Variants in HUWE1 observed in about 807,000 individuals in gnomAD.
HUWE1 encodes HECT, UBA and WWE domain containing E3 ubiquitin protein ligase 1, also known as E3 ubiquitin-protein ligase HUWE1.
A neutral mutation model predicts 299.4 loss-of-function variants in HUWE1; 18 were observed. That is an observed-to-expected ratio of 0.06 (90% CI 0.04 to 0.09). HUWE1 has a LOEUF of 0.09. HUWE1 is among the 10% of genes least tolerant of loss of function. The pLI is 1.00. For synonymous variants in HUWE1, 1,317 were observed against 1,286.1 expected (o/e 1.02, Z -0.51); for missense variants, 1,832 against 3,462.3 (o/e 0.53, Z 11.82).
At chrX:53,652,887 T>C (rs2068557926) in intron 4 of HUWE1, among the ~76,000 whole-genome samples, 1 of 112,758 alleles carries the variant, frequency 8.9e-6, no homozygotes, top group Admixed American at 9.4e-5. Context: ...ATTAGTACAA[T>C]GCTAAATGAA....
At chrX:53,542,009 G>A (rs150129176) in intron 74 of HUWE1, among the ~76,000 whole-genome samples, 2,077 of 111,214 alleles carry the variant, frequency 0.019, 24 homozygotes, top group Non-Finnish European at 0.028. Flanking sequence ...GGCGAAACTC[G>A]TCTCTACTAA....
At position 53,583,451 on chromosome X, in the gene HUWE1, T is replaced by C. The variant is rs886192026; in HGVS notation, c.5520+107A>G. ...TTGGGTGGAGTATACAGTATACATATCTAGCTATATACCCTAAGAAGAACC... is the reference window on the plus strand; with the variant it reads ...TTGGGTGGAGTATACAGTATACATACCTAGCTATATACCCTAAGAAGAACC... On this transcript the variant is annotated intron_variant, in intron 42 of 83. Transcript: ENST00000262854. The C allele has an allele frequency of 1.8e-5, 11 of 600,773 alleles. No homozygotes were observed. In the Middle Eastern group the frequency reaches 2.2e-3, roughly 121 times the overall value. 49.5% of individuals were successfully genotyped at this position (600,773 alleles called of 1,213,427 possible).
chrX:53,558,849 G>A, intron 58 of HUWE1, 40 bp from the exon 59 acceptor site: 1 of 1,203,191 alleles, frequency 8.3e-7, no homozygotes, highest in South Asian at 1.8e-5. Context: ...GCTCTGGTGG[G>A]GTCAGGGAGG....
Position 53,549,318 on chromosome X carries a change from G to C in HUWE1, c.9676C>G (p.Leu3226Val). The change falls in exon 67 of 84, where the codon CTG (leucine) becomes GTG (valine). Residue 3226 changes from leucine to valine, a missense_variant. Physicochemically the swap from Leu to Val is conservative, Grantham distance 32. Around this residue, in one of 15 missense-constraint regions of HUWE1, gnomAD observed 91 missense variants for 281.2 expected, o/e 0.32. Transcript: ENST00000262854. ...AQTRHWVIRS[L>V]LSILQRSSES... ...CTGCTGCGCTGCAAGATGGAGAGCAGACTGCGGATGACCCAGTGGCGGGTC... is the reference window on the plus strand; with the variant it reads ...CTGCTGCGCTGCAAGATGGAGAGCACACTGCGGATGACCCAGTGGCGGGTC... 8.3e-7 allele frequency: 1 copy of C among 1,211,946 alleles called. No homozygotes were observed. The highest frequency in any genetic ancestry group is 1.1e-6 in the Non-Finnish European group (1 of 895,432).
intron 62 of HUWE1, 95 bp downstream of exon 62, chrX:53,552,543 A>G (rs2061808818): frequency 8.4e-7 from 1 of 1,194,677 alleles, no homozygotes; most frequent in Non-Finnish European, 1.1e-6. Flanking sequence ...TTATCTCCCC[A>G]GCATAACAAG....
intron 72 of HUWE1, 152 bp from the exon 73 acceptor site, chrX:53,544,120 C>T (rs1388881641): frequency 2.7e-5 from 14 of 513,301 alleles, no homozygotes; most frequent in South Asian, 2.6e-4. Context: ...CATCATCAGG[C>T]GCTAAGATTT....
chrX:53,622,571 G>T (rs1277451992), intron 19 of HUWE1, among the ~76,000 whole-genome samples: 13 of 111,165 alleles, frequency 1.2e-4, no homozygotes, highest in African/African-American at 4.3e-4. Context: ...GAGACATGTT[G>T]TAACTCCTGA....
intron 33 of HUWE1, among the ~76,000 whole-genome samples, 180 bp from the exon 34 acceptor site, chrX:53,591,302 T>C (rs782413426): frequency 1.3e-4 from 15 of 112,267 alleles, no homozygotes; most frequent in South Asian, 3.7e-4. Context: ...TTCTATAGCA[T>C]TCTAAGCTAC....
chrX:53,617,406 T>C lies in HUWE1; in HGVS notation c.1713A>G (p.Ser571=). The C allele has an allele frequency of 2.5e-6, 3 of 1,196,293 alleles. No individual in the cohort carries two copies. Among genetic ancestry groups the C allele is most frequent in the Non-Finnish European group, 3.4e-6 (3 of 883,867 alleles). ...CATTGTCCTGGAGTGAGGAGAGCAG[T>C]GATGGTTCTTGAAATACAAACACAG... The part of the protein sequence containing the change: ...VVTVFVFQEP[S]LLSSLQDNGL... Residue 571 remains serine, a synonymous_variant, in exon 20 of 84, where the codon TCA becomes TCG. Transcript: ENST00000262854.
chrX:53,634,125 A>G, intron 8 of HUWE1, 111 bp downstream of exon 8: 1 of 610,377 alleles, frequency 1.6e-6, no homozygotes, highest in African/African-American at 2.2e-5. Context: ...GGTTCCTCAA[A>G]GGTCTCGATG....
intron 73 of HUWE1, 131 bp from the exon 74 acceptor site, chrX:53,542,670 A>T: frequency 1.9e-6 from 1 of 516,956 alleles, no homozygotes. Flanking sequence ...GGTGGGGAAA[A>T]CTGTAGCTAT....
At chrX:53,534,833 C>T (rs2060933221) in intron 81 of HUWE1, 136 bp from the exon 82 acceptor site, 3 of 532,426 alleles carry the variant, frequency 5.6e-6, no homozygotes, top group South Asian at 6.1e-5. Flanking sequence ...TTAATTCTGC[C>T]CAGGCTAGTC....
At chrX:53,563,054 T>A in intron 52 of HUWE1, 125 bp from the exon 53 acceptor site, 1 of 545,029 alleles carries the variant, frequency 1.8e-6, no homozygotes. Flanking sequence ...GGAGAAGACC[T>A]GGATTGTCTG....
At chrX:53,622,716 A>G (rs1557013428) in intron 19 of HUWE1, among the ~76,000 whole-genome samples, 1 of 111,560 alleles carries the variant, frequency 9.0e-6, no homozygotes, top group Non-Finnish European at 1.9e-5. Flanking sequence ...TTGTGCCTTA[A>G]AGGGACTTCC....
rs782228424 is a variant in HUWE1, at chrX:53,624,841, C to T, written c.1592-166G>A. 2.2e-3 allele frequency among the ~76,000 whole-genome samples: 246 copies of T among 111,674 alleles called. 2 individuals are homozygous for T. The highest frequency in any genetic ancestry group is 7.7e-3 in the African/African-American group (236 of 30,618). ...GTCTCCTCCTATTTTATTATTTGTC[C>T]ATGCAATAGGCTTTCTAACACGGGT... On this transcript the variant is annotated intron_variant, in intron 18 of 83. Transcript: ENST00000262854.
intron 67 of HUWE1, among the ~76,000 whole-genome samples, chrX:53,548,748 GT>G (rs1213898414): frequency 8.9e-6 from 1 of 112,440 alleles, no homozygotes; most frequent in Non-Finnish European, 1.9e-5. Flanking sequence ...CAGCCCAGTT[GT>G]TTTGATGACT....
At chrX:53,593,870 G>A (rs1163097796) in intron 31 of HUWE1, among the ~76,000 whole-genome samples, 3 of 111,620 alleles carry the variant, frequency 2.7e-5, no homozygotes, top group Non-Finnish European at 3.8e-5. Flanking sequence ...AGGCTGAGGC[G>A]GGTGGATCAC....
At chrX:53,604,442 T>C (rs1325509577) in intron 26 of HUWE1, 147 bp downstream of exon 26, 1 of 608,937 alleles carries the variant, frequency 1.6e-6, no homozygotes, top group Non-Finnish European at 2.6e-6. Context: ...TTTTTGACAG[T>C]CAAAAAAATC....
chrX:53,609,535 A>C (rs1465490640), intron 23 of HUWE1, among the ~76,000 whole-genome samples: 2 of 112,359 alleles, frequency 1.8e-5, no homozygotes, highest in Non-Finnish European at 3.8e-5. Flanking sequence ...ACTATCAAAA[A>C]ACTGATCAGG....
Sources: allele counts gnomAD v4.1 joint callset (sites outside exome capture counted in the v4.1 genomes callset), GRCh38; gene constraint gnomAD v4.1.1; regional missense constraint gnomAD v4.1.1; transcripts MANE v1.5; gene names NCBI Gene and HGNC (gene_info 2026-07-23, HGNC 2026-07-21).